The following MCHR2 variants were observed in gnomAD, a reference collection of about 807,000 sequenced individuals.
The protein encoded by MCHR2 is melanin concentrating hormone receptor 2.
MCHR2 carries 15 observed loss-of-function variants against 24.8 expected under a neutral mutation model. The observed-to-expected ratio is 0.60, with a 90% CI of 0.40 to 0.93. The LOEUF (loss-of-function observed/expected upper bound fraction) is 0.93. Among genes scored for constraint, MCHR2 ranks in the 40% least tolerant of loss-of-function variants. MCHR2 has a pLI of 0.00. For synonymous variants in MCHR2, 151 were observed against 147.6 expected, an observed-to-expected ratio of 1.02 and a Z score of -0.17; for missense variants, 386 against 408.7, an observed-to-expected ratio of 0.94 and a Z score of 0.48.
intron 5 of MCHR2, among the ~76,000 whole-genome samples, chr6:99,925,920 G>C (rs1431604674): frequency 1.3e-5 from 2 of 151,218 alleles, no homozygotes; most frequent in East Asian, 1.9e-4. Context: ...TGCCATGCTG[G>C]TGTGCTGCAC....
At chr6:99,966,083 A>G (rs1775291771) in intron 1 of MCHR2, among the ~76,000 whole-genome samples, 1 of 152,134 alleles carries the variant, frequency 6.6e-6, no homozygotes. Flanking sequence ...CCACCTCTCT[A>G]TACAACTTGC....
At chr6:99,959,473 C>G (rs1747659373) in intron 1 of MCHR2, among the ~76,000 whole-genome samples, 1 of 150,696 alleles carries the variant, frequency 6.6e-6, no homozygotes, top group South Asian at 2.1e-4. Context: ...ACAAGGAAAA[C>G]AAAGAAGCAG....
At chr6:99,929,801 G>T (rs1399770430) in intron 5 of MCHR2, among the ~76,000 whole-genome samples, 2 of 150,698 alleles carry the variant, frequency 1.3e-5, no homozygotes, top group South Asian at 2.1e-4. Flanking sequence ...CAATTTGCCA[G>T]TCTGTGTCTT....
intron 1 of MCHR2, among the ~76,000 whole-genome samples, chr6:99,992,322 C>T (rs1312993747): frequency 6.6e-6 from 1 of 152,212 alleles, no homozygotes; most frequent in Admixed American, 6.5e-5. Flanking sequence ...GACTAAAGTG[C>T]TAGGCTGGGG....
chr6:99,935,383 G>A (rs1774635771), intron 4 of MCHR2, among the ~76,000 whole-genome samples: 1 of 151,674 alleles, frequency 6.6e-6, no homozygotes, highest in African/African-American at 2.4e-5. Flanking sequence ...TACCTTTCCT[G>A]GCCTCTGGTA....
intron 4 of MCHR2, among the ~76,000 whole-genome samples, chr6:99,937,215 T>A (rs1187527795): frequency 6.6e-6 from 1 of 152,036 alleles, no homozygotes; most frequent in African/African-American, 2.4e-5. Flanking sequence ...TCTTGCCTAA[T>A]TGCTCTGGCT....
At chr6:99,968,007 G>A (rs1775326017) in intron 1 of MCHR2, among the ~76,000 whole-genome samples, 1 of 152,126 alleles carries the variant, frequency 6.6e-6, no homozygotes, top group Non-Finnish European at 1.5e-5. Flanking sequence ...AATAATAATA[G>A]TACCTATCTC....
intron 1 of MCHR2, among the ~76,000 whole-genome samples, chr6:99,991,419 T>C (rs1483233578): frequency 6.6e-6 from 1 of 152,172 alleles, no homozygotes; most frequent in Non-Finnish European, 1.5e-5. Context: ...CAGTGTGACT[T>C]TAGGTAGTCA....
intron 5 of MCHR2, among the ~76,000 whole-genome samples, chr6:99,929,524 G>C (rs564995284): frequency 6.6e-6 from 1 of 152,296 alleles, no homozygotes; most frequent in South Asian, 2.1e-4. Flanking sequence ...GGGTGCTGCT[G>C]TATTGGGTGC....
chr6:99,950,120 T>C (rs978573472), intron 2 of MCHR2, among the ~76,000 whole-genome samples: 4 of 152,082 alleles, frequency 2.6e-5, no homozygotes, highest in African/African-American at 9.7e-5. Context: ...GGCCATTAAC[T>C]GGCAATCAAA....
rs187084781 is a variant in MCHR2 at position 99,974,401 on chromosome 6, C to T, written c.-27-18227G>A. On this transcript the variant is annotated intron_variant, in intron 1 of 5. Coordinates refer to ENST00000281806, the MANE Select transcript of MCHR2 (RefSeq NM_001040179.2). ...TCACGTAGTTCTCAAGCCTTGGCTT[C>T]AGCTCCATCAGCTCCTTTAAGGACT... Among the ~76,000 whole-genome samples, 937 of 152,306 alleles carry T rather than the reference C, an allele frequency of 6.2e-3. 10 individuals are homozygous for T. Among genetic ancestry groups the T allele is most frequent in the African/African-American group, 0.022 (901 of 41,566 alleles).
At chr6:99,926,215 G>T (rs368554868) in intron 5 of MCHR2, among the ~76,000 whole-genome samples, 83 of 152,138 alleles carry the variant, frequency 5.5e-4, no homozygotes, top group African/African-American at 1.5e-3. Context: ...GTGCCACATT[G>T]TCTTAATCCA....
intron 2 of MCHR2, among the ~76,000 whole-genome samples, chr6:99,951,017 A>G (rs1774954551): frequency 6.6e-6 from 1 of 152,092 alleles, no homozygotes; most frequent in South Asian, 2.1e-4. Flanking sequence ...GCCAGAATGT[A>G]GCCTTCACTC....
chr6:99,955,947 AAAAG>A lies in MCHR2; in HGVS notation c.182+15_182+18del. ...CTAAAGTATGGAAGGAAAAAAAAAA[AAAAG>A]GAGCCATTCCTTACCTTATTATAGT... On this transcript the variant is annotated intron_variant, in intron 2 of 5. Transcript: ENST00000281806. 6.7e-7 allele frequency: 1 copy of A among 1,490,824 alleles called. No individual in the cohort carries two copies. The highest frequency in any genetic ancestry group is 8.9e-7 in the Non-Finnish European group (1 of 1,119,672). 92.3% of individuals were successfully genotyped at this position (1,490,824 alleles called of 1,614,324 possible). A position where few individuals can be genotyped will look rare whatever the true frequency, so the allele number is the denominator to read the frequency against.
At chr6:99,991,770 C>A (rs1222126814) in intron 1 of MCHR2, among the ~76,000 whole-genome samples, 1 of 137,786 alleles carries the variant, frequency 7.3e-6, no homozygotes, top group East Asian at 2.1e-4. Flanking sequence ...CCGCGCGACA[C>A]TGCACTCCAA....
chr6:99,944,885 G>GTC (rs368031860), intron 3 of MCHR2, among the ~76,000 whole-genome samples: 5 of 152,110 alleles, frequency 3.3e-5, no homozygotes, highest in African/African-American at 1.2e-4. Context: ...GCCTGTGCCA[G>GTC]TCTCTCTCTT....
rs190335183 is a variant in MCHR2, at chr6:99,971,758, T to A, written c.-27-15584A>T. On this transcript the variant is annotated intron_variant, in intron 1 of 5. Transcript: ENST00000281806. ...CCACCAATACCTAATTTATTGAGAGTTTTTAGCATGAAGTGTTGTTGAATT... is the reference window on the plus strand; with the variant it reads ...CCACCAATACCTAATTTATTGAGAGATTTTAGCATGAAGTGTTGTTGAATT... Among the ~76,000 whole-genome samples, 3 of 152,226 alleles carry A rather than the reference T, an allele frequency of 2.0e-5. No homozygotes were observed. In the East Asian group the frequency reaches 5.8e-4, roughly 29 times the overall value.
chr6:99,965,031 C>T (rs1775267732), intron 1 of MCHR2, among the ~76,000 whole-genome samples: 1 of 152,070 alleles, frequency 6.6e-6, no homozygotes, highest in South Asian at 2.1e-4. Flanking sequence ...TGTTGGCCAC[C>T]TCTGAAGAGA....
At chr6:99,943,410 G>A (rs928272743) in intron 3 of MCHR2, among the ~76,000 whole-genome samples, 1 of 150,916 alleles carries the variant, frequency 6.6e-6, no homozygotes, top group African/African-American at 2.4e-5. Flanking sequence ...ATGTATACAT[G>A]TGCCATGCTG....
Sources: gnomAD v4.1 joint callset for allele counts (sites outside exome capture counted in the v4.1 genomes callset) on GRCh38, gnomAD v4.1.1 for gene constraint, MANE v1.5 for transcripts, NCBI Gene and HGNC (gene_info 2026-07-23, HGNC 2026-07-21) for gene names.